Variants in KIF13B observed in about 807,000 individuals in gnomAD.
KIF13B encodes the protein kinesin-like protein KIF13B.
In KIF13B, 127 loss-of-function variants were observed where a neutral mutation model predicts 222.0. That is an observed-to-expected ratio of 0.57 (90% confidence interval 0.50 to 0.66). The LOEUF is 0.66. KIF13B is among the 30% of genes least tolerant of loss of function. KIF13B has a pLI of 0.00. For missense variants in KIF13B, 2,173 were observed against 2,379.0 expected, an observed-to-expected ratio of 0.91 and a Z score of 1.80; for synonymous variants, 976 against 919.0, an observed-to-expected ratio of 1.06 and a Z score of -1.12.
chr8:29,163,154 T>C (rs2130130338), intron 12 of KIF13B, among the ~76,000 whole-genome samples: 1 of 152,342 alleles, frequency 6.6e-6, no homozygotes, highest in Admixed American at 6.5e-5. Context: ...GCACTGGAAT[T>C]AGAAAATACT....
chr8:29,213,166 C>T (rs530804923), intron 2 of KIF13B, among the ~76,000 whole-genome samples: 1 of 152,244 alleles, frequency 6.6e-6, no homozygotes, highest in South Asian at 2.1e-4. Flanking sequence ...AAAGTAGGGT[C>T]ACTACCTACA....
intron 30 of KIF13B, 30 bp downstream of exon 30, chr8:29,118,838 T>A: frequency 6.2e-7 from 1 of 1,611,860 alleles, no homozygotes; most frequent in Non-Finnish European, 8.5e-7. Flanking sequence ...CCACTTTTCA[T>A]CTGACCATCC....
intron 2 of KIF13B, among the ~76,000 whole-genome samples, chr8:29,213,311 C>A (rs999362361): frequency 2.0e-5 from 3 of 152,198 alleles, no homozygotes; most frequent in African/African-American, 7.2e-5. Context: ...ATTCTAAGTG[C>A]ATTTCACATA....
At chr8:29,155,641 A>G (rs1486942704) in intron 14 of KIF13B, 85 bp downstream of exon 14, 2 of 1,234,626 alleles carry the variant, frequency 1.6e-6, no homozygotes, top group Non-Finnish European at 2.3e-6. Context: ...GTCAACTTAA[A>G]AGCAACAAAG....
chr8:29,081,316 C>T (rs186643408), intron 37 of KIF13B, among the ~76,000 whole-genome samples: 46 of 152,344 alleles, frequency 3.0e-4, no homozygotes, highest in African/African-American at 9.6e-4. Context: ...GACATGGCAG[C>T]CACCAGCCAC....
Position 29,147,457 on chromosome 8 carries a change from G to A in KIF13B, c.1959C>T (p.Ser653=). Residue 653 remains serine (S), a synonymous_variant, in exon 17 of 40, where the codon AGC becomes AGT. Transcript: ENST00000524189. ...RLSPEKQNCR[S]MDRFSFHSPS... ...GCGAGTGGAAAGAAAACCTGTCCAT[G>A]CTCCGGCAGTTCTGCTTCTCAGGAG... 1 of 1,612,656 alleles carries A rather than the reference G, an allele frequency of 6.2e-7. No individual in the cohort carries two copies. Among genetic ancestry groups the A allele is most frequent in the Middle Eastern group, 1.6e-4 (1 of 6,062 alleles).
At chr8:29,091,335 T>C (rs564996557) in intron 37 of KIF13B, among the ~76,000 whole-genome samples, 101 of 152,192 alleles carry the variant, frequency 6.6e-4, no homozygotes, top group African/African-American at 2.4e-3. Flanking sequence ...AAACTGAAAA[T>C]AGCTTTAAAG....
Position 29,148,787 on chromosome 8 carries a change from T to C in KIF13B, c.1623-20A>G. On this transcript the variant is annotated intron_variant, in intron 15 of 39. Transcript: ENST00000524189. Reference sequence around the variant, plus strand: ...TTGAGTCTTGGTGGGAAAAAGAGTATTATTTTCTGAAGTTAAGATAGGCAC... The same window carrying C: ...TTGAGTCTTGGTGGGAAAAAGAGTACTATTTTCTGAAGTTAAGATAGGCAC... 6.4e-7 allele frequency: 1 copy of C among 1,569,152 alleles called. No homozygotes were observed. Among genetic ancestry groups the C allele is most frequent in the Non-Finnish European group, 8.6e-7 (1 of 1,157,036 alleles).
At chr8:29,129,136 G>A (rs1363446741) in intron 24 of KIF13B, among the ~76,000 whole-genome samples, 1 of 152,178 alleles carries the variant, frequency 6.6e-6, no homozygotes, top group African/African-American at 2.4e-5. Flanking sequence ...TGAAGGTAAA[G>A]AGGCATATCC....
intron 30 of KIF13B, among the ~76,000 whole-genome samples, chr8:29,117,292 G>A (rs534425198): frequency 2.0e-5 from 3 of 152,258 alleles, no homozygotes; most frequent in African/African-American, 7.2e-5. Flanking sequence ...CGAGTGATTT[G>A]TACCCCTTTC....
intron 12 of KIF13B, among the ~76,000 whole-genome samples, chr8:29,163,549 A>G (rs550255718): frequency 6.8e-4 from 103 of 152,376 alleles, no homozygotes; most frequent in African/African-American, 2.5e-3. Context: ...GTCATCTTCC[A>G]GAAGACTTAT....
At chr8:29,236,024 C>T (rs555678361) in intron 2 of KIF13B, among the ~76,000 whole-genome samples, 1 of 152,110 alleles carries the variant, frequency 6.6e-6, no homozygotes, top group African/African-American at 2.4e-5. Context: ...ACAAATGATC[C>T]GGCTTCTTCA....
At chr8:29,136,165 C>T (rs893188131) in intron 21 of KIF13B, among the ~76,000 whole-genome samples, 2 of 152,152 alleles carry the variant, frequency 1.3e-5, no homozygotes, top group Non-Finnish European at 2.9e-5. Flanking sequence ...AATTTTTCCA[C>T]AAAGTTTTTA....
intron 2 of KIF13B, among the ~76,000 whole-genome samples, chr8:29,243,115 G>A (rs1815853893): frequency 6.6e-6 from 1 of 152,022 alleles, no homozygotes; most frequent in Admixed American, 6.5e-5. Flanking sequence ...GGGAGGCAAA[G>A]GCAGGCGGAT....
At chr8:29,202,796 T>A (rs1563784666) in intron 2 of KIF13B, among the ~76,000 whole-genome samples, 1 of 152,076 alleles carries the variant, frequency 6.6e-6, no homozygotes, top group African/African-American at 2.4e-5. Context: ...AACATCCCTA[T>A]CAGTGCCACC....
rs952494733 is a variant in KIF13B, at chr8:29,187,604, G to GA, written c.316+910dup. ...TTTAGAAAACACAGGAAAATAGAAA[G>GA]AAAAAACTTAAATTACCATAGTCCT... On this transcript the variant is annotated intron_variant, in intron 5 of 39. Transcript: ENST00000524189. Among the ~76,000 whole-genome samples, 84 of 152,218 alleles carry GA rather than the reference G, an allele frequency of 5.5e-4. 1 individual carries two copies. The highest frequency in any genetic ancestry group is 1.9e-3 in the African/African-American group (80 of 41,564).
chr8:29,136,277 A>G (rs1381117591), intron 21 of KIF13B, among the ~76,000 whole-genome samples: 1 of 152,194 alleles, frequency 6.6e-6, no homozygotes, highest in East Asian at 1.9e-4. Context: ...GTTACATAAA[A>G]TAAATAGAAT....
intron 1 of KIF13B, among the ~76,000 whole-genome samples, chr8:29,260,160 TAC>T (rs1563834837): frequency 6.6e-6 from 1 of 152,196 alleles, no homozygotes; most frequent in Non-Finnish European, 1.5e-5. Context: ...CAAACCCACA[TAC>T]AGTTTAGCAG....
At position 29,070,307 on chromosome 8, in the gene KIF13B, C is replaced by T. The variant is rs1378739619; in HGVS notation, c.*197G>A. ...TCCACCTGAGGAGGCACAGTTGAGG[C>T]CCCCACTTTACCCGGGTACAGAAGA... On this transcript the variant is annotated 3_prime_UTR_variant, in exon 40 of 40. Transcript: ENST00000524189. This position sits in a 1 kb window ranked among gnomAD's most constrained non-coding sequence, Gnocchi z 4.1. The T allele has an allele frequency of 4.8e-6, 3 of 622,206 alleles. No homozygotes were observed. The highest frequency in any genetic ancestry group is 2.9e-5 in the East Asian group (1 of 35,000). 38.5% of individuals were successfully genotyped at this position (622,206 alleles called of 1,614,324 possible). A position where few individuals can be genotyped will look rare whatever the true frequency, so the allele number is the denominator to read the frequency against.
Sources: gnomAD v4.1 joint callset for allele counts (sites outside exome capture counted in the v4.1 genomes callset) on GRCh38, gnomAD v4.1.1 for gene constraint, Gnocchi (gnomAD v3.1) non-coding constraint, MANE v1.5 for transcripts, NCBI Gene and HGNC (gene_info 2026-07-23, HGNC 2026-07-21) for gene names.